The following DEPDC5 variants were observed in gnomAD, a reference collection of about 807,000 sequenced individuals.
DEPDC5 encodes the protein GATOR1 complex protein DEPDC5.
DEPDC5 carries 73 observed loss-of-function variants against 217.3 expected under a neutral mutation model. That is an observed-to-expected ratio of 0.34 (90% CI 0.28 to 0.41). The LOEUF is 0.41. Among genes scored for constraint, DEPDC5 ranks in the 10% least tolerant of loss-of-function variants. DEPDC5 has a pLI of 1.00. For synonymous variants in DEPDC5, 733 were observed against 756.7 expected (o/e 0.97, Z 0.51); for missense variants, 1,675 against 2,070.1 (o/e 0.81, Z 3.70).
chr22:31,882,743 CTTTT>C (rs200341225), intron 38 of DEPDC5, among the ~76,000 whole-genome samples: 1 of 151,390 alleles, frequency 6.6e-6, no homozygotes, highest in South Asian at 2.1e-4. Flanking sequence ...CATTCTTTCT[CTTTT>C]TTTTTATTTT....
chr22:31,867,290 GA>G (rs1425252083), intron 33 of DEPDC5, among the ~76,000 whole-genome samples: 1 of 151,776 alleles, frequency 6.6e-6, no homozygotes, highest in South Asian at 2.1e-4. Context: ...TTCAGGTAAA[GA>G]AAAAAAATAA....
At chr22:31,824,981 A>G (rs2090026938) in intron 24 of DEPDC5, among the ~76,000 whole-genome samples, 1 of 151,810 alleles carries the variant, frequency 6.6e-6, no homozygotes, top group Admixed American at 6.6e-5. Context: ...GTCTCAAAAA[A>G]AAAAAAAAAA....
In DEPDC5 at chr22:31,781,317, T is replaced by C. The variant is rs192326892; in HGVS notation, c.484-2590T>C. ...TCCATTAAATTAATTATTTTTGAGA[T>C]TGGGGTCTTGTGTTATTCAGGGGTC... On this transcript the variant is annotated intron_variant, in intron 8 of 42. Transcript: ENST00000651528. Among the ~76,000 whole-genome samples, 43 of 152,274 alleles carry C rather than the reference T, an allele frequency of 2.8e-4. No homozygotes were observed. In the East Asian group the frequency reaches 5.4e-3, roughly 19 times the overall value.
rs56367653 is a variant in DEPDC5, at chr22:31,811,057, G to A, written c.1445+416G>A. Among the ~76,000 whole-genome samples, 347 of 152,230 alleles carry A rather than the reference G, an allele frequency of 2.3e-3. 3 individuals carry two copies. The highest frequency in any genetic ancestry group is 4.3e-3 in the Non-Finnish European group (295 of 68,022). On this transcript the variant is annotated intron_variant, in intron 20 of 42. Transcript: ENST00000651528. ...CCCAAAATGCTAGGATTAGAGGCGT[G>A]AGCCACTGTGCCTGGCTTGTTTTGT...
intron 33 of DEPDC5, among the ~76,000 whole-genome samples, chr22:31,863,240 C>T (rs1204309234): frequency 6.6e-6 from 1 of 152,192 alleles, no homozygotes; most frequent in Non-Finnish European, 1.5e-5. Flanking sequence ...AATGTCAGCT[C>T]ACTGCCACCT....
At chr22:31,844,851 A>G in intron 29 of DEPDC5, 167 bp from the exon 30 acceptor site, 1 of 746,046 alleles carries the variant, frequency 1.3e-6, no homozygotes, top group South Asian at 1.6e-5. Context: ...CACCATGCCC[A>G]TTCTCAGAAC....
intron 4 of DEPDC5, among the ~76,000 whole-genome samples, chr22:31,761,598 G>A (rs963483797): frequency 6.7e-6 from 1 of 150,038 alleles, no homozygotes; most frequent in Non-Finnish European, 1.5e-5. Flanking sequence ...AAGAGTTTGA[G>A]GTTTCAATGA....
chr22:31,897,680 G>A (rs1189907367), intron 40 of DEPDC5, 27 bp downstream of exon 40: 2 of 1,610,370 alleles, frequency 1.2e-6, no homozygotes, highest in Non-Finnish European at 8.5e-7. Context: ...TCTGGAGGTT[G>A]TCTCAACCAG....
chr22:31,871,751 G>A (rs543111109), intron 34 of DEPDC5, among the ~76,000 whole-genome samples: 1 of 152,302 alleles, frequency 6.6e-6, no homozygotes, highest in African/African-American at 2.4e-5. Context: ...GAGGTGAAAA[G>A]ACCAAAAATG....
In DEPDC5 at chr22:31,857,509, A is replaced by C; in HGVS notation, c.3220A>C (p.Ser1074Arg). 6.2e-7 allele frequency: 1 copy of C among 1,612,644 alleles called. No individual in the cohort carries two copies. Among genetic ancestry groups the C allele is most frequent in the Non-Finnish European group, 8.5e-7 (1 of 1,179,480 alleles). The change falls in exon 32 of 43, where the codon AGC becomes CGC. Residue 1074 changes from serine (S) to arginine (R), a missense_variant. By Grantham distance (110) the Ser-to-Arg change is moderately radical. Coordinates refer to ENST00000651528, the MANE Select transcript of DEPDC5 (RefSeq NM_001242896.3). ...GKSSAQSAESSSVAMTPTYMD... is the reference protein window; with the variant it reads ...GKSSAQSAESRSVAMTPTYMD... ...GAGCTCCGCCCAGTCAGCCGAGAGCAGCAGCGTTGCCATGACTCCCACCTA... is the reference window on the plus strand; with the variant it reads ...GAGCTCCGCCCAGTCAGCCGAGAGCCGCAGCGTTGCCATGACTCCCACCTA...
intron 12 of DEPDC5, among the ~76,000 whole-genome samples, chr22:31,794,637 C>T (rs978712302): frequency 6.6e-6 from 1 of 152,106 alleles, no homozygotes; most frequent in Non-Finnish European, 1.5e-5. Context: ...ATAATCCCAG[C>T]ACTTTGAGAG....
chr22:31,771,517 C>T lies in DEPDC5; in HGVS notation c.413+2654C>T, dbSNP rs1278879835. On this transcript the variant is annotated intron_variant, in intron 7 of 42. Coordinates refer to ENST00000651528, the MANE Select transcript of DEPDC5 (RefSeq NM_001242896.3). ...CAGGCAGATCACGAGATCAGGAGATCGAGACCATCCTGGGTAACATGGTGA... is the reference window on the plus strand; with the variant it reads ...CAGGCAGATCACGAGATCAGGAGATTGAGACCATCCTGGGTAACATGGTGA... Among the ~76,000 whole-genome samples the T allele has an allele frequency of 5.9e-5, 9 of 151,646 alleles. No homozygotes were observed. The East Asian group carries it at 7.8e-4, about 13-fold the overall frequency.
Position 31,855,966 on chromosome 22 carries a change from C to T in DEPDC5, c.3156-1479C>T, listed in dbSNP as rs184596241. 2.7e-3 allele frequency among the ~76,000 whole-genome samples: 411 copies of T among 152,034 alleles called. 2 individuals are homozygous for T. The highest frequency in any genetic ancestry group is 9.2e-3 in the African/African-American group (383 of 41,462). On this transcript the variant is annotated intron_variant, in intron 31 of 42. Transcript: ENST00000651528. The stretch of plus-strand genomic sequence containing the variant: ...GTTGCAAATTGGGTTCTCAGGGAAG[C>T]GGACTGAGATGGGGTGTAGCATATA...
At chr22:31,846,313 C>G (rs1313948927) in intron 30 of DEPDC5, among the ~76,000 whole-genome samples, 1 of 152,158 alleles carries the variant, frequency 6.6e-6, no homozygotes, top group African/African-American at 2.4e-5. Context: ...GTAGTTCACT[C>G]TTTTTAATCA....
rs556128032 is a variant in DEPDC5, at chr22:31,893,170, G to T, written c.4034-412G>T. Among the ~76,000 whole-genome samples, 8 of 152,126 alleles carry T rather than the reference G, an allele frequency of 5.3e-5. No individual in the cohort carries two copies. In the South Asian group the frequency reaches 1.5e-3, roughly 28 times the overall value. ...ATTACACACGTGAGCCACTGTGCCC[G>T]GCTGGTGTTGTATATTCTGTAGGTT... On this transcript the variant is annotated intron_variant, in intron 38 of 42. Coordinates refer to ENST00000651528, the MANE Select transcript of DEPDC5 (RefSeq NM_001242896.3).
chr22:31,816,211 A>G (rs986192974), intron 21 of DEPDC5, among the ~76,000 whole-genome samples: 15 of 151,470 alleles, frequency 9.9e-5, no homozygotes, highest in Non-Finnish European at 1.5e-4. Flanking sequence ...GAGGCAGGAG[A>G]ATCACTTGAA....
intron 26 of DEPDC5, 183 bp downstream of exon 26, chr22:31,837,338 T>C (rs2091084254): frequency 1.5e-6 from 1 of 665,774 alleles, no homozygotes. Context: ...AATTGTATTT[T>C]ATCTTTTTTT....
rs565002982 is a variant in DEPDC5, at chr22:31,853,306, C to G, written c.3156-4139C>G. ...GCATATCTTGGGGGTAGTGGTACCC[C>G]CAGTGTGAAGGGTGAGATTCTCAGC... is the stretch of plus-strand genomic sequence containing the variant. On this transcript the variant is annotated intron_variant, in intron 31 of 42. Coordinates refer to ENST00000651528, the MANE Select transcript of DEPDC5 (RefSeq NM_001242896.3). 6 of 152,172 alleles carry G rather than the reference C, an allele frequency of 3.9e-5. No individual in the cohort carries two copies. In the East Asian group the frequency reaches 9.7e-4, roughly 25 times the overall value. The allele number at this position is 152,172 out of a possible 1,614,324, so 9.4% of individuals were successfully genotyped here.
Position 31,754,999 on chromosome 22 carries a change from T to C in DEPDC5, c.58+20T>C. ...GCAGTGGTCAGTATCGATTGGTCTT[T>C]AGAGGTTTTGTAAGTTGGCTGAGGT... On this transcript the variant is annotated intron_variant, in intron 2 of 42. Coordinates refer to ENST00000651528, the MANE Select transcript of DEPDC5 (RefSeq NM_001242896.3). 1 of 1,614,040 alleles carries C rather than the reference T, an allele frequency of 6.2e-7. No individual in the cohort carries two copies. The highest frequency in any genetic ancestry group is 8.5e-7 in the Non-Finnish European group (1 of 1,179,986).
Sources: gnomAD v4.1 joint callset for allele counts (sites outside exome capture counted in the v4.1 genomes callset) on GRCh38, gnomAD v4.1.1 for gene constraint, MANE v1.5 for transcripts, NCBI Gene and HGNC (gene_info 2026-07-23, HGNC 2026-07-21) for gene names.